SOX6: variants seen among roughly 807,000 people sequenced by gnomAD.
The protein encoded by SOX6 is transcription factor SOX-6.
In SOX6, 11 loss-of-function variants were observed where a neutral mutation model predicts 97.8. That is an observed-to-expected ratio of 0.11 (90% CI 0.07 to 0.19). SOX6 has a LOEUF of 0.19. Ranked by LOEUF, SOX6 falls within the 10% of genes least tolerant of loss-of-function variation. The pLI is 1.00. For synonymous variants in SOX6, 360 were observed against 371.4 expected (o/e 0.97, Z 0.35); for missense variants, 810 against 1,039.5 (o/e 0.78, Z 3.04).
At chr11:16,011,024 G>C (rs2133857776) in intron 13 of SOX6, among the ~76,000 whole-genome samples, 1 of 152,132 alleles carries the variant, frequency 6.6e-6, no homozygotes, top group South Asian at 2.1e-4. Context: ...CTTGTTTTTA[G>C]TCATTTAGCA....
intron 6 of SOX6, among the ~76,000 whole-genome samples, chr11:16,147,571 TGGA>T (rs1850344355): frequency 6.6e-6 from 1 of 152,184 alleles, no homozygotes; most frequent in Non-Finnish European, 1.5e-5. Flanking sequence ...AAAAGGATGG[TGGA>T]GTTTGAAATA....
intron 3 of SOX6, among the ~76,000 whole-genome samples, chr11:16,626,123 C>T (rs1848620336): frequency 6.6e-6 from 1 of 152,122 alleles, no homozygotes; most frequent in South Asian, 2.1e-4. Flanking sequence ...AGGACACCCA[C>T]TCAATGTCTG....
intron 4 of SOX6, among the ~76,000 whole-genome samples, chr11:16,611,686 A>G (rs1452921462): frequency 6.6e-6 from 1 of 152,248 alleles, no homozygotes; most frequent in Non-Finnish European, 1.5e-5. Context: ...CTCGTGTTTC[A>G]GCAACAAAAG....
chr11:16,132,225 C>CA (rs1176742242), intron 6 of SOX6, among the ~76,000 whole-genome samples: 3 of 104,112 alleles, frequency 2.9e-5, no homozygotes, highest in Non-Finnish European at 5.8e-5. Context: ...AGCTGCTTCT[C>CA]AAAAAAAAAG....
chr11:16,362,087 C>T (rs895550767), intron 1 of SOX6, among the ~76,000 whole-genome samples: 6 of 152,066 alleles, frequency 3.9e-5, no homozygotes, highest in East Asian at 1.9e-4. Context: ...AGTGGTGAAA[C>T]CTAAAATCCC....
At chr11:16,144,302 A>G (rs1850230236) in intron 6 of SOX6, among the ~76,000 whole-genome samples, 1 of 152,202 alleles carries the variant, frequency 6.6e-6, no homozygotes, top group African/African-American at 2.4e-5. Flanking sequence ...TTTGAAACCA[A>G]TGAGAACAAA....
chr11:16,152,196 T>C (rs1465709569), intron 6 of SOX6, among the ~76,000 whole-genome samples: 1 of 152,212 alleles, frequency 6.6e-6, no homozygotes, highest in Non-Finnish European at 1.5e-5. Flanking sequence ...TGGTTCTTTT[T>C]TAAAACAACC....
chr11:16,078,629 G>A (rs1848408842), intron 9 of SOX6, among the ~76,000 whole-genome samples: 1 of 152,096 alleles, frequency 6.6e-6, no homozygotes, highest in South Asian at 2.1e-4. Context: ...TGTGGGAGGA[G>A]GAAGGGAGAA....
intron 4 of SOX6, among the ~76,000 whole-genome samples, chr11:16,497,073 G>A (rs1221322424): frequency 6.6e-6 from 1 of 152,138 alleles, no homozygotes; most frequent in Non-Finnish European, 1.5e-5. Context: ...CCCCCAGTAG[G>A]GGCAGACTGA....
At chr11:16,577,929 A>T (rs1173538584) in intron 4 of SOX6, among the ~76,000 whole-genome samples, 3 of 152,078 alleles carry the variant, frequency 2.0e-5, no homozygotes, top group African/African-American at 7.2e-5. Flanking sequence ...TTACATTTTG[A>T]TGTCCAATTC....
At chr11:16,215,377 T>G (rs529631701) in intron 4 of SOX6, among the ~76,000 whole-genome samples, 14 of 152,328 alleles carry the variant, frequency 9.2e-5, no homozygotes, top group African/African-American at 3.4e-4. Flanking sequence ...TTTAATTTAA[T>G]AATTAACCAC....
chr11:16,124,943 G>T (rs1460046457), intron 6 of SOX6, among the ~76,000 whole-genome samples: 1 of 152,036 alleles, frequency 6.6e-6, no homozygotes, highest in African/African-American at 2.4e-5. Flanking sequence ...GACCCAAAAT[G>T]GGGGTAATGG....
intron 3 of SOX6, among the ~76,000 whole-genome samples, chr11:16,649,488 T>C (rs947303718): frequency 1.1e-4 from 17 of 152,164 alleles, no homozygotes; most frequent in African/African-American, 3.6e-4. Flanking sequence ...GACAAAATAA[T>C]TGTCAACCAA....
chr11:16,021,855 C>A (rs1210261999), intron 12 of SOX6, among the ~76,000 whole-genome samples: 1 of 152,094 alleles, frequency 6.6e-6, no homozygotes, highest in Non-Finnish European at 1.5e-5. Context: ...CCACAATGTG[C>A]AAAGCCCTTT....
At chr11:15,987,669 G>T (rs1235415675) in intron 14 of SOX6, among the ~76,000 whole-genome samples, 1 of 148,552 alleles carries the variant, frequency 6.7e-6, no homozygotes, top group Non-Finnish European at 1.5e-5. Context: ...ATATAAAACT[G>T]TAAGGCCAGA....
At chr11:16,290,013 T>C (rs910408668) in intron 3 of SOX6, among the ~76,000 whole-genome samples, 1 of 152,032 alleles carries the variant, frequency 6.6e-6, no homozygotes, top group African/African-American at 2.4e-5. Context: ...GCAAAAAATC[T>C]GAAATTTCCT....
intron 4 of SOX6, among the ~76,000 whole-genome samples, chr11:16,192,259 A>G (rs1851652224): frequency 1.3e-5 from 2 of 152,224 alleles, no homozygotes; most frequent in South Asian, 4.1e-4. Flanking sequence ...TAAAATTGCT[A>G]CATTCACTAC....
At chr11:16,340,822 A>G (rs1171770235) in intron 2 of SOX6, among the ~76,000 whole-genome samples, 190 bp downstream of exon 2, 1 of 152,110 alleles carries the variant, frequency 6.6e-6, no homozygotes, top group Non-Finnish European at 1.5e-5. Context: ...ATAAACGTAT[A>G]TACACTAAAT....
At chr11:16,690,256 C>T (rs1174342910) in intron 3 of SOX6, among the ~76,000 whole-genome samples, 2 of 152,162 alleles carry the variant, frequency 1.3e-5, no homozygotes, top group African/African-American at 4.8e-5. Flanking sequence ...TTTATCTTCT[C>T]TGAGTGTGCT....
Sources: gnomAD v4.1 joint callset for allele counts (sites outside exome capture counted in the v4.1 genomes callset) on GRCh38, gnomAD v4.1.1 for gene constraint, MANE v1.5 for transcripts, NCBI Gene and HGNC (gene_info 2026-07-23, HGNC 2026-07-21) for gene names.